The following WWOX variants were observed in gnomAD, a reference collection of about 807,000 sequenced individuals.
WWOX encodes the protein WW domain-containing oxidoreductase.
WWOX carries 69 observed loss-of-function variants against 46.2 expected under a neutral mutation model. The ratio of observed to expected loss-of-function variants is 1.49; its 90% CI spans 1.23 to 1.82. The LOEUF is 1.82. Ranked by LOEUF, WWOX falls within the 40% of genes most tolerant of loss-of-function variation. The pLI is 0.00. For missense variants in WWOX, 919 were observed against 542.6 expected (o/e 1.69, Z -6.89); for synonymous variants, 359 against 202.6 (o/e 1.77, Z -6.56).
intron 8 of WWOX, among the ~76,000 whole-genome samples, chr16:79,036,803 G>A (rs1363101596): frequency 6.6e-6 from 1 of 152,198 alleles, no homozygotes; most frequent in Non-Finnish European, 1.5e-5. Flanking sequence ...TCCTGTTTCA[G>A]AAGAGATGAA....
At chr16:78,457,406 G>T (rs1255850133) in intron 8 of WWOX, among the ~76,000 whole-genome samples, 2 of 152,170 alleles carry the variant, frequency 1.3e-5, no homozygotes, top group African/African-American at 2.4e-5. Flanking sequence ...CACCAACCAG[G>T]TATTGCTTCG....
chr16:78,873,907 C>A (rs967684658), intron 8 of WWOX, among the ~76,000 whole-genome samples: 1 of 152,036 alleles, frequency 6.6e-6, no homozygotes, highest in Non-Finnish European at 1.5e-5. Flanking sequence ...GTCCTAGTGT[C>A]TCTGAAGACT....
intron 8 of WWOX, among the ~76,000 whole-genome samples, chr16:78,575,730 G>T (rs2044861969): frequency 6.6e-6 from 1 of 152,212 alleles, no homozygotes; most frequent in East Asian, 1.9e-4. Flanking sequence ...TTAGCACTAT[G>T]AAGAAAAATT....
chr16:78,977,211 T>C (rs1230441347), intron 8 of WWOX, among the ~76,000 whole-genome samples: 1 of 152,238 alleles, frequency 6.6e-6, no homozygotes, highest in Non-Finnish European at 1.5e-5. Flanking sequence ...GCAAGACTTC[T>C]TCAGACAGGA....
At chr16:78,678,067 T>A (rs1222799117) in intron 8 of WWOX, among the ~76,000 whole-genome samples, 1 of 152,252 alleles carries the variant, frequency 6.6e-6, no homozygotes, top group African/African-American at 2.4e-5. Flanking sequence ...TTTCTCTGTT[T>A]AATCTGTCTA....
intron 8 of WWOX, chr16:78,890,293 T>C (rs1003143877): frequency 2.0e-5 from 3 of 152,188 alleles, no homozygotes; most frequent in African/African-American, 7.2e-5. Context: ...CATTTTCATA[T>C]TCTTATTTGA....
At chr16:79,142,092 TA>T in intron 8 of WWOX, among the ~76,000 whole-genome samples, 1 of 152,308 alleles carries the variant, frequency 6.6e-6, no homozygotes, top group African/African-American at 2.4e-5. Context: ...CTCCTGCCCT[TA>T]CTTCTTCCTG....
intron 5 of WWOX, among the ~76,000 whole-genome samples, chr16:78,282,129 G>A (rs1367185861): frequency 6.6e-6 from 1 of 152,156 alleles, no homozygotes; most frequent in Non-Finnish European, 1.5e-5. Context: ...TCTGCAGCCT[G>A]GGCAGTCAAG....
At chr16:78,851,678 C>T (rs913495736) in intron 8 of WWOX, among the ~76,000 whole-genome samples, 17 of 152,142 alleles carry the variant, frequency 1.1e-4, no homozygotes, top group African/African-American at 3.9e-4. Context: ...CAATACGTTT[C>T]AAAATACAAG....
intron 8 of WWOX, among the ~76,000 whole-genome samples, chr16:78,767,174 G>C (rs1264033610): frequency 6.6e-6 from 1 of 150,574 alleles, no homozygotes; most frequent in East Asian, 2.0e-4. Context: ...AGGCTGGGGT[G>C]CAGTGGCACA....
intron 8 of WWOX, among the ~76,000 whole-genome samples, chr16:78,911,093 C>A (rs907984403): frequency 6.6e-6 from 1 of 152,044 alleles, no homozygotes; most frequent in Non-Finnish European, 1.5e-5. Context: ...GGCCTCCCTT[C>A]TTGTTCTCCC....
chr16:78,311,349 T>C (rs938566156), intron 5 of WWOX, among the ~76,000 whole-genome samples: 4 of 152,140 alleles, frequency 2.6e-5, no homozygotes, highest in African/African-American at 9.7e-5. Flanking sequence ...AGAGTCAAGC[T>C]TGGAGAATTC....
At chr16:78,775,456 C>G (rs984597529) in intron 8 of WWOX, among the ~76,000 whole-genome samples, 4 of 152,180 alleles carry the variant, frequency 2.6e-5, no homozygotes, top group South Asian at 4.2e-4. Flanking sequence ...AACTGAGATA[C>G]CCAGACTCAT....
At chr16:78,666,674 C>T (rs1209010789) in intron 8 of WWOX, among the ~76,000 whole-genome samples, 5 of 152,116 alleles carry the variant, frequency 3.3e-5, no homozygotes, top group Non-Finnish European at 5.9e-5. Flanking sequence ...GAAGGGCCAT[C>T]GTGCAGTAAA....
At chr16:79,008,273 C>T (rs2047229384) in intron 8 of WWOX, among the ~76,000 whole-genome samples, 1 of 152,156 alleles carries the variant, frequency 6.6e-6, no homozygotes, top group South Asian at 2.1e-4. Context: ...GAAGGAGGCT[C>T]CCCCATGCTC....
At chr16:78,616,745 G>C (rs989475418) in intron 8 of WWOX, among the ~76,000 whole-genome samples, 5 of 151,988 alleles carry the variant, frequency 3.3e-5, no homozygotes, top group Non-Finnish European at 7.4e-5. Context: ...CTGTCTGGGA[G>C]ACAGAGGGAG....
chr16:78,457,228 C>G (rs1188228342), intron 8 of WWOX, among the ~76,000 whole-genome samples: 1 of 152,178 alleles, frequency 6.6e-6, no homozygotes, highest in Admixed American at 6.5e-5. Context: ...GATAACAGTT[C>G]TTCTGGAACA....
intron 5 of WWOX, among the ~76,000 whole-genome samples, chr16:78,189,843 C>T (rs763787175): frequency 1.3e-5 from 2 of 151,932 alleles, no homozygotes; most frequent in Admixed American, 6.6e-5. Flanking sequence ...TTAGTAGAGA[C>T]GAGGTTTCAC....
At chr16:78,585,696 TG>T (rs1488162328) in intron 8 of WWOX, among the ~76,000 whole-genome samples, 5 of 150,148 alleles carry the variant, frequency 3.3e-5, no homozygotes, top group African/African-American at 1.2e-4. Context: ...TGTTTTTTTT[TG>T]TTTTTTTTGT....
Sources: gnomAD v4.1 joint callset for allele counts (sites outside exome capture counted in the v4.1 genomes callset) on GRCh38, gnomAD v4.1.1 for gene constraint, MANE v1.5 for transcripts, NCBI Gene and HGNC (gene_info 2026-07-23, HGNC 2026-07-21) for gene names.